The following RPS19 variants were observed in gnomAD, a reference collection of about 807,000 sequenced individuals.
RPS19 encodes the protein small ribosomal subunit protein eS19.
Under a neutral mutation model 20.3 loss-of-function variants are expected in RPS19, and 1 was observed. The observed-to-expected ratio is 0.05, with a 90% CI of 0.02 to 0.23. The LOEUF is 0.23. RPS19 is among the 10% of genes least tolerant of loss of function. The pLI, the probability that RPS19 is intolerant of heterozygous loss-of-function variation, is 1.00. For missense variants in RPS19, 111 were observed against 192.7 expected, an observed-to-expected ratio of 0.58 and a Z score of 2.51; for synonymous variants, 87 against 74.8, an observed-to-expected ratio of 1.16 and a Z score of -0.84.
chr19:41,860,864 G>T lies in RPS19; in HGVS notation c.71+19G>T. 1 of 1,604,064 alleles carries T rather than the reference G, an allele frequency of 6.2e-7. No individual in the cohort carries two copies. Among genetic ancestry groups the T allele is most frequent in the South Asian group, 1.1e-5 (1 of 90,878 alleles). The stretch of plus-strand genomic sequence containing the variant: ...TCAAAAAGTGAGTTTGGGGACTGAG[G>T]TTCAAAACGGGTGGAGGCTGTCGCC... On this transcript the variant is annotated intron_variant, in intron 2 of 5. Coordinates refer to ENST00000598742, the MANE Select transcript of RPS19 (RefSeq NM_001022.4).
chr19:41,863,056 G>A (rs868960793), intron 3 of RPS19, among the ~76,000 whole-genome samples: 2 of 152,122 alleles, frequency 1.3e-5, no homozygotes, highest in Non-Finnish European at 1.5e-5. Flanking sequence ...CAGGGTCTAG[G>A]CCTGTCACCC....
intron 3 of RPS19, among the ~76,000 whole-genome samples, chr19:41,865,947 TTTAAAAAAAAAAAAAAAAA>T (rs1461769175): frequency 9.2e-6 from 1 of 108,148 alleles, no homozygotes; most frequent in Non-Finnish European, 2.0e-5. Flanking sequence ...AGACTCCGTC[TTTAAAAAAAAAAAAAAAAA>T]AAAAAGGCCG....
intron 5 of RPS19, among the ~76,000 whole-genome samples, chr19:41,870,630 T>G (rs2074136660): frequency 6.6e-6 from 1 of 152,082 alleles, no homozygotes. Flanking sequence ...CAATTCTGTA[T>G]CACTGACTCA....
intron 3 of RPS19, among the ~76,000 whole-genome samples, chr19:41,868,122 C>G (rs1251359940): frequency 4.6e-5 from 7 of 152,202 alleles, no homozygotes; most frequent in African/African-American, 1.7e-4. Flanking sequence ...AGACTCAGAC[C>G]AACTTGCTGA....
chr19:41,869,344 T>C (rs2074122062), intron 4 of RPS19, 130 bp downstream of exon 4: 1 of 890,638 alleles, frequency 1.1e-6, no homozygotes, highest in Admixed American at 2.6e-5. Context: ...CAGGAGGGGA[T>C]TCTGCAGAAA....
chr19:41,868,214 C>T (rs2074109151), intron 3 of RPS19, among the ~76,000 whole-genome samples: 1 of 152,224 alleles, frequency 6.6e-6, no homozygotes, highest in Admixed American at 6.5e-5. Flanking sequence ...AATCTGGGTG[C>T]TTCCTGCATG....
chr19:41,861,758 C>CT (rs2074034660), intron 3 of RPS19, among the ~76,000 whole-genome samples: 2 of 152,252 alleles, frequency 1.3e-5, no homozygotes, highest in Admixed American at 6.5e-5. Flanking sequence ...CTCCATATCT[C>CT]TAACAGGCTG....
Position 41,870,167 on chromosome 19 carries a change from G to A in RPS19, c.411+414G>A, listed in dbSNP as rs558237183. ...TGAGGCACAAAAATCACTTGAACCC[G>A]GGAGGTGGAGGCTGCGGTGAGCCAA... is the stretch of plus-strand genomic sequence containing the variant. On this transcript the variant is annotated intron_variant, in intron 5 of 5. Coordinates refer to ENST00000598742, the MANE Select transcript of RPS19 (RefSeq NM_001022.4). Among the ~76,000 whole-genome samples, 8 of 152,068 alleles carry A rather than the reference G, an allele frequency of 5.3e-5. No individual in the cohort carries two copies. The South Asian group carries it at 1.7e-3, about 32-fold the overall frequency.
intron 5 of RPS19, among the ~76,000 whole-genome samples, chr19:41,870,094 T>C (rs2074131283): frequency 1.3e-5 from 2 of 151,920 alleles, no homozygotes; most frequent in Admixed American, 1.3e-4. Flanking sequence ...AATACAAAAT[T>C]AGCCGGGTGT....
intron 3 of RPS19, chr19:41,864,507 T>C (rs2074065073): frequency 6.6e-6 from 1 of 152,282 alleles, no homozygotes; most frequent in Admixed American, 6.5e-5. Flanking sequence ...TGGACTTTGC[T>C]GAGCTGTGAT....
At chr19:41,869,592 C>A in intron 4 of RPS19, 107 bp from the exon 5 acceptor site, 2 of 1,233,614 alleles carry the variant, frequency 1.6e-6, no homozygotes, top group South Asian at 1.2e-5. Flanking sequence ...TGGGACTTGG[C>A]TGGCGGCAGG....
intron 3 of RPS19, among the ~76,000 whole-genome samples, chr19:41,862,788 T>A (rs1341915080): frequency 6.6e-6 from 1 of 152,128 alleles, no homozygotes; most frequent in Non-Finnish European, 1.5e-5. Context: ...AAGCAGGATG[T>A]GCATCTTCTG....
intron 3 of RPS19, 59 bp from the exon 4 acceptor site, chr19:41,868,972 A>C: frequency 6.6e-7 from 1 of 1,525,878 alleles, no homozygotes; most frequent in Non-Finnish European, 9.1e-7. Flanking sequence ...ACACACAAGG[A>C]ATTGTTTACC....
chr19:41,866,574 C>G (rs1555840648), intron 3 of RPS19, among the ~76,000 whole-genome samples: 1 of 152,148 alleles, frequency 6.6e-6, no homozygotes, highest in Non-Finnish European at 1.5e-5. Flanking sequence ...TTAAAGTGAG[C>G]AGATGCCAGA....
intron 3 of RPS19, among the ~76,000 whole-genome samples, chr19:41,867,349 T>C (rs2074101373): frequency 6.6e-6 from 1 of 152,194 alleles, no homozygotes; most frequent in African/African-American, 2.4e-5. Context: ...TGTCACCCAG[T>C]CTGGAGTGCA....
intron 3 of RPS19, among the ~76,000 whole-genome samples, chr19:41,862,464 G>A (rs781910861): frequency 6.6e-6 from 1 of 152,088 alleles, no homozygotes; most frequent in Non-Finnish European, 1.5e-5. Context: ...GACAAGCCCT[G>A]GAAGTTACAT....
chr19:41,862,804 CT>C (rs1381114071), intron 3 of RPS19, among the ~76,000 whole-genome samples: 1 of 152,156 alleles, frequency 6.6e-6, no homozygotes, highest in Non-Finnish European at 1.5e-5. Flanking sequence ...TTCTGCCTGC[CT>C]ACTGATCTCC....
intron 3 of RPS19, among the ~76,000 whole-genome samples, chr19:41,862,042 G>A (rs61761228): frequency 0.012 from 1,619 of 133,106 alleles, 25 homozygotes; most frequent in African/African-American, 0.04. Flanking sequence ...CTTCACTAAG[G>A]GGCCTCGGCC....
chr19:41,867,343 A>ACCC (rs1317370900), intron 3 of RPS19, among the ~76,000 whole-genome samples: 1 of 151,946 alleles, frequency 6.6e-6, no homozygotes, highest in Non-Finnish European at 1.5e-5. Flanking sequence ...TCACTCTGTC[A>ACCC]CCCAGTCTGG....
Sources: gnomAD v4.1 joint callset for allele counts (sites outside exome capture counted in the v4.1 genomes callset) on GRCh38, gnomAD v4.1.1 for gene constraint, MANE v1.5 for transcripts, NCBI Gene and HGNC (gene_info 2026-07-23, HGNC 2026-07-21) for gene names.